Variants in NCOA1 observed in about 807,000 individuals in gnomAD.
The protein encoded by NCOA1 is nuclear receptor coactivator 1.
In NCOA1, 35 loss-of-function variants were observed where a neutral mutation model predicts 150.9. That is an observed-to-expected ratio of 0.23 (90% CI 0.18 to 0.31). The LOEUF is 0.31. NCOA1 is among the 10% of genes least tolerant of loss of function. NCOA1 has a pLI of 1.00. For missense variants in NCOA1, 1,491 were observed against 1,749.3 expected (o/e 0.85, Z 2.63); for synonymous variants, 590 against 630.0 (o/e 0.94, Z 0.95).
At chr2:24,757,732 C>T (rs772092617) in intron 20 of NCOA1, among the ~76,000 whole-genome samples, 1 of 151,974 alleles carries the variant, frequency 6.6e-6, no homozygotes, top group Non-Finnish European at 1.5e-5. Context: ...ATGATTGTAG[C>T]CTAGCATCTC....
At chr2:24,680,457 A>G (rs1672112829) in intron 7 of NCOA1, among the ~76,000 whole-genome samples, 1 of 152,198 alleles carries the variant, frequency 6.6e-6, no homozygotes, top group Non-Finnish European at 1.5e-5. Context: ...ACATTATGTT[A>G]ATTAAAAGCC....
intron 3 of NCOA1, among the ~76,000 whole-genome samples, chr2:24,602,800 T>C (rs1668185098): frequency 6.6e-6 from 1 of 152,198 alleles, no homozygotes; most frequent in South Asian, 2.1e-4. Context: ...CAGTGTCATG[T>C]ACATCAGCCT....
Position 24,707,237 on chromosome 2 carries a change from C to G in NCOA1, c.1767C>G (p.Ala589=). 6.2e-7 allele frequency: 1 copy of G among 1,614,138 alleles called. No homozygotes were observed. Among genetic ancestry groups the G allele is most frequent in the Non-Finnish European group, 8.5e-7 (1 of 1,180,028 alleles). The change falls in exon 13 of 23, where the codon GCC becomes GCG. Residue 589 remains alanine, a synonymous_variant. Coordinates refer to ENST00000348332, the MANE Select transcript of NCOA1 (RefSeq NM_003743.5). ...KAESKDNKEI[A]SILNEMIQSD... Reference sequence around the variant, plus strand: ...AGTCCAAAGATAACAAAGAGATTGCCTCAATTTTAAATGAAATGATTCAAT... The same window carrying G: ...AGTCCAAAGATAACAAAGAGATTGCGTCAATTTTAAATGAAATGATTCAAT...
At chr2:24,758,924 G>T (rs561700587) in intron 21 of NCOA1, among the ~76,000 whole-genome samples, 69 of 152,176 alleles carry the variant, frequency 4.5e-4, no homozygotes, top group African/African-American at 1.7e-3. Context: ...GGAGTTGGAG[G>T]TTGCAGTGAG....
At chr2:24,555,175 CAATT>C (rs1300895481) in intron 1 of NCOA1, among the ~76,000 whole-genome samples, 1 of 152,148 alleles carries the variant, frequency 6.6e-6, no homozygotes, top group African/African-American at 2.4e-5. Flanking sequence ...AATTTTCACT[CAATT>C]AAAAGTATTT....
intron 1 of NCOA1, among the ~76,000 whole-genome samples, chr2:24,532,151 A>G (rs894786517): frequency 1.3e-5 from 2 of 152,160 alleles, no homozygotes; most frequent in African/African-American, 2.4e-5. Context: ...TCGCCATTCT[A>G]ACTGGTGTGA....
At chr2:24,506,761 A>C (rs1663714296) in intron 1 of NCOA1, among the ~76,000 whole-genome samples, 1 of 152,224 alleles carries the variant, frequency 6.6e-6, no homozygotes, top group South Asian at 2.1e-4. Flanking sequence ...TATTAAAAAA[A>C]CCTAGAAACA....
At chr2:24,715,049 AAAC>A (rs1673948651) in intron 14 of NCOA1, among the ~76,000 whole-genome samples, 1 of 152,132 alleles carries the variant, frequency 6.6e-6, no homozygotes, top group African/African-American at 2.4e-5. Context: ...AAAGATAAGA[AAAC>A]AACTAACTTT....
intron 1 of NCOA1, among the ~76,000 whole-genome samples, chr2:24,522,513 A>G (rs1034126762): frequency 6.6e-6 from 1 of 152,180 alleles, no homozygotes; most frequent in African/African-American, 2.4e-5. Flanking sequence ...GGTACATGTT[A>G]GAAGGCATTT....
intron 6 of NCOA1, among the ~76,000 whole-genome samples, chr2:24,670,349 G>T (rs1346017745): frequency 6.6e-6 from 1 of 152,028 alleles, no homozygotes; most frequent in Non-Finnish European, 1.5e-5. Flanking sequence ...ATGAAAACCT[G>T]TCCATACAAA....
At chr2:24,699,231 T>A (rs1330686965) in intron 11 of NCOA1, among the ~76,000 whole-genome samples, 1 of 152,210 alleles carries the variant, frequency 6.6e-6, no homozygotes, top group Non-Finnish European at 1.5e-5. Context: ...TTTTGATTTT[T>A]GCCTTAAGTT....
chr2:24,492,136 G>A (rs1460266003), intron 1 of NCOA1: 1 of 152,178 alleles, frequency 6.6e-6, no homozygotes, highest in Non-Finnish European at 1.5e-5. Context: ...ACGGCGCTTG[G>A]GTTTGACCCC....
At chr2:24,602,963 T>C (rs1668194945) in intron 3 of NCOA1, among the ~76,000 whole-genome samples, 1 of 152,212 alleles carries the variant, frequency 6.6e-6, no homozygotes, top group Non-Finnish European at 1.5e-5. Context: ...TGCGTATGTA[T>C]CTATTCCTAA....
intron 20 of NCOA1, among the ~76,000 whole-genome samples, chr2:24,756,968 G>A (rs1275402777): frequency 6.6e-6 from 1 of 152,162 alleles, no homozygotes; most frequent in Non-Finnish European, 1.5e-5. Context: ...AAGACATGAA[G>A]CTATGTTGAG....
chr2:24,762,504 A>G (rs1015947041), intron 21 of NCOA1, among the ~76,000 whole-genome samples, 183 bp from the exon 22 acceptor site: 8 of 152,326 alleles, frequency 5.3e-5, no homozygotes, highest in East Asian at 1.9e-4. Context: ...TGTCCCTTAC[A>G]CACTCACTAC....
chr2:24,693,954 C>T (rs1474265908), intron 10 of NCOA1, among the ~76,000 whole-genome samples: 1 of 152,004 alleles, frequency 6.6e-6, no homozygotes, highest in Non-Finnish European at 1.5e-5. Context: ...GATACTGAGC[C>T]CCAAAGGATG....
chr2:24,493,326 A>C (rs1025802937), intron 1 of NCOA1, among the ~76,000 whole-genome samples: 2 of 152,240 alleles, frequency 1.3e-5, no homozygotes, highest in African/African-American at 4.8e-5. Context: ...AGTGGGTCAC[A>C]GAGAGGGTCT....
At chr2:24,633,814 A>G (rs1204917421) in intron 3 of NCOA1, among the ~76,000 whole-genome samples, 9 of 152,248 alleles carry the variant, frequency 5.9e-5, no homozygotes, top group Admixed American at 3.3e-4. Context: ...AAATATTACA[A>G]TCTAGAAATT....
At chr2:24,546,765 TACTC>T (rs1438902091) in intron 1 of NCOA1, among the ~76,000 whole-genome samples, 1 of 152,248 alleles carries the variant, frequency 6.6e-6, no homozygotes, top group Non-Finnish European at 1.5e-5. Context: ...TGGGATCACT[TACTC>T]AGCTGGTAAC....
Sources: allele counts gnomAD v4.1 joint callset (sites outside exome capture counted in the v4.1 genomes callset), GRCh38; gene constraint gnomAD v4.1.1; transcripts MANE v1.5; gene names NCBI Gene and HGNC (gene_info 2026-07-23, HGNC 2026-07-21).